The following SND1 variants were observed in gnomAD, a reference collection of about 807,000 sequenced individuals.
SND1 encodes staphylococcal nuclease domain-containing protein 1.
SND1 carries 38 observed loss-of-function variants against 121.7 expected under a neutral mutation model. That is an observed-to-expected ratio of 0.31 (90% CI 0.24 to 0.41). The LOEUF (loss-of-function observed/expected upper bound fraction) is 0.41, where lower values mean the gene tolerates loss of function less well. SND1 is among the 10% of genes least tolerant of loss of function. The pLI is 1.00. For missense variants in SND1, 868 were observed against 1,184.6 expected (o/e 0.73, Z 3.92); for synonymous variants, 401 against 447.4 (o/e 0.90, Z 1.31).
chr7:127,887,831 C>G (rs1799940292), intron 12 of SND1, 71 bp from the exon 13 acceptor site: 1 of 995,268 alleles, frequency 1.0e-6, no homozygotes, highest in South Asian at 1.3e-5. Context: ...CAGGTGCTAA[C>G]TGTTATTATT....
Position 127,833,241 on chromosome 7 carries a change from G to A in SND1, c.1243-11083G>A, listed in dbSNP as rs904978307. The stretch of plus-strand genomic sequence containing the variant: ...TGGGAAACCATCCGTATATTTTCTT[G>A]GGAATGTGATTGAACTGTCTTTTTT... On this transcript the variant is annotated intron_variant, in intron 11 of 23. Coordinates refer to ENST00000354725, the MANE Select transcript of SND1 (RefSeq NM_014390.4). Among the ~76,000 whole-genome samples, 22 of 149,426 alleles carry A rather than the reference G, an allele frequency of 1.5e-4. 1 individual carries two copies. The highest frequency in any genetic ancestry group is 2.5e-4 in the Non-Finnish European group (17 of 67,358).
At chr7:127,870,365 A>G (rs1170716739) in intron 12 of SND1, among the ~76,000 whole-genome samples, 1 of 152,148 alleles carries the variant, frequency 6.6e-6, no homozygotes, top group Non-Finnish European at 1.5e-5. Context: ...AGGCCCCTAT[A>G]CTACTTAACA....
At chr7:127,905,686 ACT>A (rs764217101) in intron 14 of SND1, among the ~76,000 whole-genome samples, 13 of 152,178 alleles carry the variant, frequency 8.5e-5, no homozygotes, top group African/African-American at 1.7e-4. Flanking sequence ...CAGGAAAGGC[ACT>A]CTCTGTTGCC....
At chr7:127,689,076 C>T (rs1192099680) in intron 2 of SND1, among the ~76,000 whole-genome samples, 1 of 152,144 alleles carries the variant, frequency 6.6e-6, no homozygotes, top group Non-Finnish European at 1.5e-5. Flanking sequence ...TTTCACTGGT[C>T]CTCCATCAGG....
intron 15 of SND1, among the ~76,000 whole-genome samples, chr7:127,969,796 C>T (rs1801941685): frequency 6.6e-6 from 1 of 152,144 alleles, no homozygotes; most frequent in African/African-American, 2.4e-5. Flanking sequence ...TTGAGGGATG[C>T]ACTTTACTGT....
chr7:128,076,390 G>T (rs942345111), intron 17 of SND1, among the ~76,000 whole-genome samples: 1 of 152,190 alleles, frequency 6.6e-6, no homozygotes, highest in East Asian at 1.9e-4. Flanking sequence ...TTAAAATGCA[G>T]TGCACAACTC....
chr7:127,902,969 C>T (rs964767122), intron 13 of SND1, among the ~76,000 whole-genome samples: 3 of 152,080 alleles, frequency 2.0e-5, no homozygotes, highest in African/African-American at 7.2e-5. Context: ...GCAACCTCCA[C>T]CTCCCGGGTT....
At chr7:127,856,255 G>A (rs574613917) in intron 12 of SND1, among the ~76,000 whole-genome samples, 77 of 152,100 alleles carry the variant, frequency 5.1e-4, no homozygotes, top group Non-Finnish European at 9.1e-4. Context: ...AAATCAAGAG[G>A]TGTGCTAGCC....
chr7:127,992,811 G>A (rs1563081529), intron 16 of SND1, among the ~76,000 whole-genome samples: 3 of 152,304 alleles, frequency 2.0e-5, no homozygotes, highest in Middle Eastern at 3.4e-3. Flanking sequence ...AAAGGAGTGA[G>A]TGGCCCAAAA....
At chr7:127,777,013 TC>T (rs1797633010) in intron 10 of SND1, among the ~76,000 whole-genome samples, 1 of 152,260 alleles carries the variant, frequency 6.6e-6, no homozygotes, top group Admixed American at 6.5e-5. Context: ...GATACATTTC[TC>T]CTGTAGACTG....
chr7:127,812,114 A>G (rs920771138), intron 11 of SND1, among the ~76,000 whole-genome samples: 5 of 152,228 alleles, frequency 3.3e-5, no homozygotes, highest in Non-Finnish European at 4.4e-5. Context: ...TCAGATGCCA[A>G]TGCTTTTAAT....
At chr7:127,704,795 CAG>C in intron 7 of SND1, 42 bp from the exon 8 acceptor site, 1 of 1,451,386 alleles carries the variant, frequency 6.9e-7, no homozygotes, top group East Asian at 2.3e-5. Context: ...TCTTTTACAA[CAG>C]AGTCTAATCC....
At chr7:127,775,948 G>A (rs933220682) in intron 10 of SND1, among the ~76,000 whole-genome samples, 2 of 152,098 alleles carry the variant, frequency 1.3e-5, no homozygotes, top group African/African-American at 4.8e-5. Context: ...AATTAACAAA[G>A]GAATCAACCT....
intron 12 of SND1, among the ~76,000 whole-genome samples, chr7:127,883,177 C>G (rs1383427965): frequency 6.6e-6 from 1 of 152,122 alleles, no homozygotes; most frequent in East Asian, 1.9e-4. Flanking sequence ...TAGTTAATTT[C>G]CATGCAAGCA....
At chr7:127,987,796 G>C (rs1802428096) in intron 15 of SND1, among the ~76,000 whole-genome samples, 1 of 141,358 alleles carries the variant, frequency 7.1e-6, no homozygotes, top group Non-Finnish European at 1.5e-5. Flanking sequence ...ACAGAAGAGA[G>C]ACTGTCAGTA....
chr7:127,828,726 A>G (rs1369339526), intron 11 of SND1, among the ~76,000 whole-genome samples: 2 of 152,208 alleles, frequency 1.3e-5, no homozygotes, highest in Non-Finnish European at 2.9e-5. Flanking sequence ...GATAATCAGG[A>G]TAATAAATTT....
intron 5 of SND1, 60 bp downstream of exon 5, chr7:127,701,383 T>A: frequency 1.3e-6 from 2 of 1,545,918 alleles, no homozygotes; most frequent in Middle Eastern, 1.9e-4. Context: ...TTTGCACTCT[T>A]TGCTTCTTGA....
At chr7:127,825,406 G>C (rs1302063245) in intron 11 of SND1, among the ~76,000 whole-genome samples, 2 of 151,284 alleles carry the variant, frequency 1.3e-5, no homozygotes, top group Non-Finnish European at 2.9e-5. Flanking sequence ...ACTGCTCCTG[G>C]CCACCTTTTT....
Position 128,029,232 on chromosome 7 carries a change from G to T in SND1, c.1779+38176G>T. 1 of 1,614,148 alleles carries T rather than the reference G, an allele frequency of 6.2e-7. No individual in the cohort carries two copies. The highest frequency in any genetic ancestry group is 8.5e-7 in the Non-Finnish European group (1 of 1,180,038). On this transcript the variant is annotated intron_variant, in intron 16 of 23. Transcript: ENST00000354725. This position sits in a 1 kb window ranked among gnomAD's most constrained non-coding sequence, Gnocchi z 4.2. ...GGTAGGAACAGGCTTGTACTTTCGC[G>T]TTGTGTCCTCAGGCGAGATCTCCGT...
Sources: gnomAD v4.1 joint callset for allele counts (sites outside exome capture counted in the v4.1 genomes callset) on GRCh38, gnomAD v4.1.1 for gene constraint, Gnocchi (gnomAD v3.1) non-coding constraint, MANE v1.5 for transcripts, NCBI Gene and HGNC (gene_info 2026-07-23, HGNC 2026-07-21) for gene names.